LCLAT1: variants seen among roughly 807,000 people sequenced by gnomAD.
LCLAT1 encodes the protein 1-AGP acyltransferase 8.
A neutral mutation model predicts 30.7 loss-of-function variants in LCLAT1; 11 were observed. The ratio of observed to expected loss-of-function variants is 0.36; its 90% confidence interval spans 0.23 to 0.59. LCLAT1 has a LOEUF of 0.59. Among genes scored for constraint, LCLAT1 ranks in the 20% least tolerant of loss-of-function variants. LCLAT1 has a pLI of 0.77. For synonymous variants in LCLAT1, 155 were observed against 151.3 expected, an observed-to-expected ratio of 1.02 and a Z score of -0.18; for missense variants, 402 against 458.6, an observed-to-expected ratio of 0.88 and a Z score of 1.13.
intron 1 of LCLAT1, among the ~76,000 whole-genome samples, chr2:30,450,431 G>A (rs1295347256): frequency 6.6e-6 from 1 of 152,200 alleles, no homozygotes; most frequent in African/African-American, 2.4e-5. Flanking sequence ...ACTCTCCTGC[G>A]GGCAGTGGGA....
At chr2:30,539,872 T>C (rs1417345378) in intron 3 of LCLAT1, among the ~76,000 whole-genome samples, 1 of 152,150 alleles carries the variant, frequency 6.6e-6, no homozygotes, top group East Asian at 1.9e-4. Context: ...TTAAAGAAAA[T>C]GGAGTTTAAG....
chr2:30,459,720 T>A (rs1233328499), intron 1 of LCLAT1: 1 of 1,608,802 alleles, frequency 6.2e-7, no homozygotes, highest in Admixed American at 1.7e-5. Context: ...CTAAAAGCTT[T>A]GGGTAAGTCT....
At position 30,563,609 on chromosome 2, in the gene LCLAT1, A is replaced by G. The variant is rs1016543817; in HGVS notation, c.511+1317A>G. Among the ~76,000 whole-genome samples the G allele has an allele frequency of 1.1e-4, 17 of 152,344 alleles. 3 individuals are homozygous for G. The highest frequency in any genetic ancestry group is 2.0e-4 in the Admixed American group (3 of 15,302). On this transcript the variant is annotated intron_variant, in intron 4 of 5. Coordinates refer to ENST00000379509, the MANE Select transcript of LCLAT1 (RefSeq NM_001002257.3). Reference sequence around the variant, plus strand: ...GAGAGAACTGAAGTCTAAAATCTGTAGTAGTATGGGCAGGTAGAACATGAA... The same window carrying G: ...GAGAGAACTGAAGTCTAAAATCTGTGGTAGTATGGGCAGGTAGAACATGAA...
intron 1 of LCLAT1, among the ~76,000 whole-genome samples, chr2:30,464,750 G>T (rs1682333703): frequency 6.6e-6 from 1 of 152,180 alleles, no homozygotes; most frequent in Non-Finnish European, 1.5e-5. Context: ...GTGTTTGTTT[G>T]CAGTGTCTAG....
At chr2:30,568,900 A>G (rs1572638042) in intron 5 of LCLAT1, among the ~76,000 whole-genome samples, 1 of 148,768 alleles carries the variant, frequency 6.7e-6, no homozygotes, top group South Asian at 2.1e-4. Flanking sequence ...AAAAAATCTT[A>G]TCACTTAAAC....
At chr2:30,486,911 G>A (rs1182801520) in intron 1 of LCLAT1, among the ~76,000 whole-genome samples, 2 of 152,144 alleles carry the variant, frequency 1.3e-5, no homozygotes, top group Non-Finnish European at 2.9e-5. Flanking sequence ...AAATTACTGT[G>A]TTAAGCCATT....
intron 1 of LCLAT1, among the ~76,000 whole-genome samples, chr2:30,495,760 ATAAGTC>A (rs559368119): frequency 7.5e-4 from 114 of 152,260 alleles, no homozygotes; most frequent in African/African-American, 2.4e-3. Flanking sequence ...GTCCTGGAGT[ATAAGTC>A]TAAGCAGTCA....
chr2:30,599,372 G>T (rs1667076584), intron 5 of LCLAT1, among the ~76,000 whole-genome samples: 1 of 152,194 alleles, frequency 6.6e-6, no homozygotes, highest in Non-Finnish European at 1.5e-5. Context: ...ACTTGCTGAG[G>T]AGTGTTTTAC....
chr2:30,591,310 C>T (rs933656739), intron 5 of LCLAT1, among the ~76,000 whole-genome samples: 1 of 152,116 alleles, frequency 6.6e-6, no homozygotes, highest in Admixed American at 6.5e-5. Context: ...CAAATGACTT[C>T]TGTGTAAAGA....
chr2:30,493,279 A>G (rs945410331), intron 1 of LCLAT1, among the ~76,000 whole-genome samples: 2 of 152,214 alleles, frequency 1.3e-5, no homozygotes, highest in African/African-American at 2.4e-5. Flanking sequence ...AACTTTTGTA[A>G]AGTCTGACTT....
At chr2:30,625,040 T>C (rs762981898) in intron 5 of LCLAT1, among the ~76,000 whole-genome samples, 4 of 152,116 alleles carry the variant, frequency 2.6e-5, no homozygotes, top group African/African-American at 4.8e-5. Flanking sequence ...GAAAATTATT[T>C]GAACTGAATG....
intron 1 of LCLAT1, among the ~76,000 whole-genome samples, chr2:30,519,493 A>AG (rs1404916959): frequency 6.6e-6 from 1 of 152,110 alleles, no homozygotes; most frequent in Non-Finnish European, 1.5e-5. Context: ...TCCTGTTGAG[A>AG]GGGGGGACTG....
At chr2:30,455,771 G>A (rs758746848) in intron 1 of LCLAT1, among the ~76,000 whole-genome samples, 1 of 151,972 alleles carries the variant, frequency 6.6e-6, no homozygotes, top group Non-Finnish European at 1.5e-5. Context: ...TTAGCCAGAT[G>A]TGGTGGCATG....
chr2:30,492,539 A>G (rs549117532), intron 1 of LCLAT1, among the ~76,000 whole-genome samples: 5 of 150,670 alleles, frequency 3.3e-5, no homozygotes, highest in African/African-American at 4.9e-5. Context: ...TAACAGTAGG[A>G]GTTTGGACTC....
rs577963153 is a variant in LCLAT1, at chr2:30,450,663, A to G, written c.-5+3280A>G. 3.3e-5 allele frequency among the ~76,000 whole-genome samples: 5 copies of G among 152,372 alleles called. No individual in the cohort carries two copies. In the South Asian group the frequency reaches 1.0e-3, roughly 32 times the overall value. On this transcript the variant is annotated intron_variant, in intron 1 of 5. Coordinates refer to ENST00000379509, the MANE Select transcript of LCLAT1 (RefSeq NM_001002257.3). Reference sequence around the variant, plus strand: ...AAGTTGTCCAGCACCTAACAACATAACATGAATGCAGTGCAAATCGACTAC... The same window carrying G: ...AAGTTGTCCAGCACCTAACAACATAGCATGAATGCAGTGCAAATCGACTAC...
intron 1 of LCLAT1, among the ~76,000 whole-genome samples, chr2:30,516,664 T>C (rs1252641): frequency 0.22 from 33,894 of 152,076 alleles, 3,857 homozygotes; most frequent in East Asian, 0.35. Context: ...GGGAGCAGCC[T>C]GCCATCATCT....
At chr2:30,562,700 A>G (rs1011346178) in intron 4 of LCLAT1, among the ~76,000 whole-genome samples, 2 of 152,194 alleles carry the variant, frequency 1.3e-5, no homozygotes, top group South Asian at 2.1e-4. Flanking sequence ...ATATTTTAAA[A>G]TATCAGGCTT....
intron 5 of LCLAT1, among the ~76,000 whole-genome samples, chr2:30,624,299 T>C (rs557516869): frequency 6.6e-6 from 1 of 152,326 alleles, no homozygotes; most frequent in South Asian, 2.1e-4. Flanking sequence ...ATGGCCTAAA[T>C]GCTCCACTTA....
chr2:30,513,976 G>A (rs548341648), intron 1 of LCLAT1, among the ~76,000 whole-genome samples: 106 of 152,298 alleles, frequency 7.0e-4, no homozygotes, highest in African/African-American at 2.4e-3. Context: ...GCTGTGTCAC[G>A]GGTGCCTGTT....
Sources: gnomAD v4.1 joint callset for allele counts (sites outside exome capture counted in the v4.1 genomes callset) on GRCh38, gnomAD v4.1.1 for gene constraint, MANE v1.5 for transcripts, NCBI Gene and HGNC (gene_info 2026-07-23, HGNC 2026-07-21) for gene names.